Variants in CDC37L1 observed in about 807,000 individuals in gnomAD.
CDC37L1 encodes hsp90 co-chaperone Cdc37-like 1.
In CDC37L1, 32 loss-of-function variants were observed where a neutral mutation model predicts 45.9. The observed-to-expected ratio is 0.70, with a 90% CI of 0.53 to 0.94. The LOEUF (loss-of-function observed/expected upper bound fraction) is 0.94, where lower values mean the gene tolerates loss of function less well. Ranked by LOEUF, CDC37L1 falls within the 40% of genes least tolerant of loss-of-function variation. The pLI is 0.00. For synonymous variants in CDC37L1, 150 were observed against 133.0 expected, an observed-to-expected ratio of 1.13 and a Z score of -0.88; for missense variants, 434 against 405.7, an observed-to-expected ratio of 1.07 and a Z score of -0.60.
At chr9:4,692,356 G>A (rs750665395) in intron 3 of CDC37L1, among the ~76,000 whole-genome samples, 1 of 150,850 alleles carries the variant, frequency 6.6e-6, no homozygotes, top group Non-Finnish European at 1.5e-5. Flanking sequence ...TGCAACCTCC[G>A]CCTCCCGGGT....
rs1379748218 is a variant in CDC37L1 at position 4,708,084 on chromosome 9, T to C, written c.*1972T>C. 2 of 152,258 alleles carry C rather than the reference T, an allele frequency of 1.3e-5. No individual in the cohort carries two copies. Among genetic ancestry groups the C allele is most frequent in the African/African-American group, 4.8e-5 (2 of 41,468 alleles). The allele number at this position is 152,258 out of a possible 1,614,324, so 9.4% of individuals were successfully genotyped here. A position where few individuals can be genotyped will look rare whatever the true frequency, so the allele number is the denominator to read the frequency against. ...GAGTATGAAAGTGTGATTGGGTCTG[T>C]TGTGGGAACCACTGACTGATGCCAT... On this transcript the variant is annotated 3_prime_UTR_variant, in exon 7 of 7. Coordinates refer to ENST00000381854, the MANE Select transcript of CDC37L1 (RefSeq NM_017913.4).
intron 3 of CDC37L1, among the ~76,000 whole-genome samples, chr9:4,694,820 A>G (rs1274819169): frequency 6.6e-6 from 1 of 152,152 alleles, no homozygotes; most frequent in Non-Finnish European, 1.5e-5. Flanking sequence ...CAGTGAGCTG[A>G]GATCGTGTTG....
At chr9:4,682,954 T>G (rs1452978754) in intron 1 of CDC37L1, among the ~76,000 whole-genome samples, 1 of 145,450 alleles carries the variant, frequency 6.9e-6, no homozygotes, top group Non-Finnish European at 1.5e-5. Context: ...AAATAAATAT[T>G]TTATTTTAAA....
intron 1 of CDC37L1, among the ~76,000 whole-genome samples, chr9:4,683,227 T>C (rs984624388): frequency 6.6e-6 from 1 of 151,064 alleles, no homozygotes; most frequent in African/African-American, 2.4e-5. Context: ...AACATCTGAA[T>C]AGCAAGTGTC....
At chr9:4,698,847 A>T (rs187359196) in intron 5 of CDC37L1, among the ~76,000 whole-genome samples, 77 of 152,310 alleles carry the variant, frequency 5.1e-4, no homozygotes, top group Non-Finnish European at 8.4e-4. Context: ...CAAATATGAG[A>T]ATCTAGCCAT....
intron 5 of CDC37L1, among the ~76,000 whole-genome samples, chr9:4,700,845 C>A (rs1278788607): frequency 6.6e-6 from 1 of 152,164 alleles, no homozygotes; most frequent in Non-Finnish European, 1.5e-5. Context: ...AATACAAAAT[C>A]TGTCATCACT....
intron 3 of CDC37L1, among the ~76,000 whole-genome samples, chr9:4,689,456 G>A (rs1277096171): frequency 6.6e-6 from 1 of 151,078 alleles, no homozygotes; most frequent in African/African-American, 2.4e-5. Flanking sequence ...AACGTTTTTT[G>A]AATTTCGTTT....
At chr9:4,695,613 G>A (rs955844526) in intron 3 of CDC37L1, among the ~76,000 whole-genome samples, 2 of 152,024 alleles carry the variant, frequency 1.3e-5, no homozygotes, top group African/African-American at 4.8e-5. Flanking sequence ...TGCCCCCTCA[G>A]ACTCCCAAGT....
At chr9:4,704,715 C>T (rs1424565018) in intron 6 of CDC37L1, among the ~76,000 whole-genome samples, 1 of 151,994 alleles carries the variant, frequency 6.6e-6, no homozygotes, top group Non-Finnish European at 1.5e-5. Context: ...GTGTGGGTAA[C>T]CATTTAGCTT....
In CDC37L1 at chr9:4,697,230, T is replaced by G. The variant is rs1841356043; in HGVS notation, c.624+19T>G. 9.1e-7 allele frequency: 1 copy of G among 1,100,386 alleles called. No homozygotes were observed. The highest frequency in any genetic ancestry group is 1.8e-5 in the Admixed American group (1 of 56,510). The allele number at this position is 1,100,386 out of a possible 1,614,324, so 68.2% of individuals were successfully genotyped here. Reference sequence around the variant, plus strand: ...TGAGAAGGTATTATTATGTGAACCTTGAGTTTCTGGGAACCTTAGTGGAAA... The same window carrying G: ...TGAGAAGGTATTATTATGTGAACCTGGAGTTTCTGGGAACCTTAGTGGAAA... On this transcript the variant is annotated intron_variant, in intron 4 of 6. Coordinates refer to ENST00000381854, the MANE Select transcript of CDC37L1 (RefSeq NM_017913.4).
At position 4,684,933 on chromosome 9, in the gene CDC37L1, C is replaced by T. The variant is rs1365762316; in HGVS notation, c.189C>T (p.Ser63=). The T allele has an allele frequency of 2.5e-6, 4 of 1,613,592 alleles. No homozygotes were observed. The African/African-American group carries it at 4.0e-5, about 16-fold the overall frequency. Reference sequence around the variant, plus strand: ...AAAAGCAGAAAGAGTTTGTGAAGAGCTCTGTGGCGTGCAAATGGAATCTTG... The same window carrying T: ...AAAAGCAGAAAGAGTTTGTGAAGAGTTCTGTGGCGTGCAAATGGAATCTTG... The part of the protein sequence containing the change: ...ACQKQKEFVK[S]SVACKWNLAE... The change falls in exon 2 of 7, where the codon AGC becomes AGT. Residue 63 remains serine (S), a synonymous_variant. Coordinates refer to ENST00000381854, the MANE Select transcript of CDC37L1 (RefSeq NM_017913.4).
At chr9:4,687,317 C>T (rs925170093) in intron 2 of CDC37L1, among the ~76,000 whole-genome samples, 1 of 152,020 alleles carries the variant, frequency 6.6e-6, no homozygotes, top group African/African-American at 2.4e-5. Context: ...ATAAGTACTT[C>T]CTTAATAGAA....
intron 3 of CDC37L1, among the ~76,000 whole-genome samples, chr9:4,691,767 A>G (rs546757911): frequency 9.3e-4 from 141 of 152,292 alleles, no homozygotes; most frequent in African/African-American, 3.0e-3. Flanking sequence ...GGTACAATAT[A>G]TCATGGACTA....
chr9:4,696,890 C>T (rs566906621), intron 3 of CDC37L1, among the ~76,000 whole-genome samples: 1 of 152,256 alleles, frequency 6.6e-6, no homozygotes, highest in African/African-American at 2.4e-5. Flanking sequence ...GAGCTATTTC[C>T]AGTCTACTGA....
chr9:4,681,993 A>C (rs1236859794), intron 1 of CDC37L1, among the ~76,000 whole-genome samples: 1 of 152,184 alleles, frequency 6.6e-6, no homozygotes, highest in Non-Finnish European at 1.5e-5. Flanking sequence ...TAGTTTGCCC[A>C]AATGGCCAAA....
At position 4,708,335 on chromosome 9, in the gene CDC37L1, A is replaced by G. The variant is rs992826782; in HGVS notation, c.*2223A>G. 3.3e-5 allele frequency: 5 copies of G among 152,270 alleles called. No homozygotes were observed. The highest frequency in any genetic ancestry group is 9.6e-5 in the African/African-American group (4 of 41,478). 9.4% of individuals were successfully genotyped at this position (152,270 alleles called of 1,614,324 possible). ...ATGAAACATTTTTTTACATCAAAGTATCATCAAAGATTCTTGTTTCATTTG... is the reference window on the plus strand; with the variant it reads ...ATGAAACATTTTTTTACATCAAAGTGTCATCAAAGATTCTTGTTTCATTTG... On this transcript the variant is annotated 3_prime_UTR_variant, in exon 7 of 7. Transcript: ENST00000381854.
chr9:4,683,958 G>A (rs1841221982), intron 1 of CDC37L1, among the ~76,000 whole-genome samples: 1 of 152,188 alleles, frequency 6.6e-6, no homozygotes, highest in Admixed American at 6.5e-5. Context: ...GGAGTAGTAC[G>A]GTCAGCAGGG....
chr9:4,694,436 A>G (rs1193758399), intron 3 of CDC37L1, among the ~76,000 whole-genome samples: 1 of 152,214 alleles, frequency 6.6e-6, no homozygotes, highest in Non-Finnish European at 1.5e-5. Flanking sequence ...TGTATCGACT[A>G]CCTGTAACTG....
In CDC37L1 at chr9:4,679,640, A is replaced by T. The variant is rs1341976742; in HGVS notation, c.-128A>T. 1 of 826,604 alleles carries T rather than the reference A, an allele frequency of 1.2e-6. No homozygotes were observed. Among genetic ancestry groups the T allele is most frequent in the Non-Finnish European group, 1.8e-6 (1 of 550,890 alleles). The allele number at this position is 826,604 out of a possible 1,614,324, so 51.2% of individuals were successfully genotyped here. On this transcript the variant is annotated 5_prime_UTR_variant, in exon 1 of 7. Transcript: ENST00000381854. ...CAGCGGCGTCGCGGCCAGTAGAGGG[A>T]TTCTGGGTAACGGCCCGGACCCCCG...
Sources: gnomAD v4.1 joint callset for allele counts (sites outside exome capture counted in the v4.1 genomes callset) on GRCh38, gnomAD v4.1.1 for gene constraint, MANE v1.5 for transcripts, NCBI Gene and HGNC (gene_info 2026-07-23, HGNC 2026-07-21) for gene names.